The following PACRG variants were observed in gnomAD, a reference collection of about 807,000 sequenced individuals.
PACRG encodes the protein parkin coregulated.
In PACRG, 29 loss-of-function variants were observed where a neutral mutation model predicts 29.7. The observed-to-expected ratio is 0.98, with a 90% CI of 0.73 to 1.33. The LOEUF (loss-of-function observed/expected upper bound fraction) is 1.33, where lower values mean the gene tolerates loss of function less well. Among genes scored for constraint, PACRG ranks in the 40% most tolerant of loss-of-function variants. The pLI is 0.00. For synonymous variants in PACRG, 116 were observed against 118.7 expected (o/e 0.98, Z 0.15); for missense variants, 279 against 316.2 (o/e 0.88, Z 0.89).
chr6:162,974,708 T>G (rs1299236791), intron 2 of PACRG, among the ~76,000 whole-genome samples: 2 of 152,220 alleles, frequency 1.3e-5, no homozygotes, highest in African/African-American at 4.8e-5. Context: ...TCATGCTTAG[T>G]GTATTGTTAA....
intron 4 of PACRG, among the ~76,000 whole-genome samples, chr6:163,268,621 T>C (rs1783625051): frequency 1.3e-5 from 2 of 152,214 alleles, no homozygotes; most frequent in Admixed American, 1.3e-4. Flanking sequence ...ATCCTTACTT[T>C]TTTTTCCAAT....
At chr6:163,291,821 A>C (rs778844667) in intron 4 of PACRG, among the ~76,000 whole-genome samples, 1 of 152,222 alleles carries the variant, frequency 6.6e-6, no homozygotes, top group Non-Finnish European at 1.5e-5. Context: ...ACTCAAGGCC[A>C]GATGAGGAGG....
intron 1 of PACRG, among the ~76,000 whole-genome samples, chr6:162,770,977 A>G (rs1361268347): frequency 1.3e-5 from 2 of 152,122 alleles, no homozygotes; most frequent in African/African-American, 4.8e-5. Flanking sequence ...CTAGGGGACA[A>G]TCCCTACCAT....
intron 4 of PACRG, chr6:163,179,174 A>G (rs762844239): frequency 4.4e-6 from 2 of 455,970 alleles, no homozygotes; most frequent in South Asian, 1.5e-5. Flanking sequence ...CTTGGCTCAC[A>G]CTGATGTCCG....
At chr6:162,740,674 ACTGCAACCT>A (rs1357634818) in intron 1 of PACRG, among the ~76,000 whole-genome samples, 1 of 149,310 alleles carries the variant, frequency 6.7e-6, no homozygotes, top group African/African-American at 2.5e-5. Context: ...ATCTCAGCTC[ACTGCAACCT>A]CTGCCCCCTG....
intron 4 of PACRG, among the ~76,000 whole-genome samples, chr6:163,260,846 G>C (rs1783296116): frequency 6.6e-6 from 1 of 152,190 alleles, no homozygotes. Flanking sequence ...CTCGTTCCCT[G>C]TGGGGACACA....
chr6:163,105,348 T>C (rs1181902587), intron 4 of PACRG, among the ~76,000 whole-genome samples: 2 of 152,166 alleles, frequency 1.3e-5, no homozygotes, highest in African/African-American at 4.8e-5. Context: ...ATGATCACTT[T>C]TAGATTGTAA....
chr6:163,100,754 C>G, intron 4 of PACRG: 2 of 978,382 alleles, frequency 2.0e-6, no homozygotes, highest in Non-Finnish European at 2.4e-6. Context: ...GTAATTTTTA[C>G]TTTGACAGAA....
At chr6:163,266,712 A>T (rs1783538450) in intron 4 of PACRG, among the ~76,000 whole-genome samples, 1 of 152,210 alleles carries the variant, frequency 6.6e-6, no homozygotes, top group African/African-American at 2.4e-5. Context: ...TTAACTGCTT[A>T]TGTGACCCTC....
intron 2 of PACRG, among the ~76,000 whole-genome samples, chr6:162,851,271 C>T (rs1170163881): frequency 1.3e-5 from 2 of 152,182 alleles, no homozygotes; most frequent in Non-Finnish European, 2.9e-5. Flanking sequence ...TGCCTCCCTT[C>T]TGCACCCTGG....
chr6:163,180,541 C>T (rs1277226521), intron 4 of PACRG, among the ~76,000 whole-genome samples: 2 of 152,050 alleles, frequency 1.3e-5, no homozygotes, highest in South Asian at 2.1e-4. Flanking sequence ...GCAGGAGGAT[C>T]GCTTGAGCCC....
chr6:163,162,701 G>T (rs1778608264), intron 4 of PACRG, among the ~76,000 whole-genome samples: 1 of 152,210 alleles, frequency 6.6e-6, no homozygotes, highest in Non-Finnish European at 1.5e-5. Context: ...AAGCTTCCCA[G>T]GTGGTACATG....
At chr6:163,136,826 A>C (rs544662595) in intron 4 of PACRG, among the ~76,000 whole-genome samples, 1 of 152,368 alleles carries the variant, frequency 6.6e-6, no homozygotes, top group African/African-American at 2.4e-5. Context: ...AAAGAGAATC[A>C]TATGCGATGA....
At chr6:163,058,160 A>T (rs1308595496) in intron 2 of PACRG, among the ~76,000 whole-genome samples, 2 of 152,240 alleles carry the variant, frequency 1.3e-5, no homozygotes, top group East Asian at 3.8e-4. Flanking sequence ...AGCTATAAAC[A>T]GTTCAAAAGA....
At chr6:163,163,211 C>T (rs912193699) in intron 4 of PACRG, among the ~76,000 whole-genome samples, 2 of 152,150 alleles carry the variant, frequency 1.3e-5, no homozygotes, top group Non-Finnish European at 2.9e-5. Flanking sequence ...ATTGCCACAC[C>T]TACTTGCTAA....
intron 2 of PACRG, among the ~76,000 whole-genome samples, chr6:162,955,605 C>G (rs947213264): frequency 6.6e-6 from 1 of 152,146 alleles, no homozygotes; most frequent in Non-Finnish European, 1.5e-5. Flanking sequence ...AGCCCAAAAT[C>G]TGTTTTAATG....
At chr6:163,269,150 C>A (rs770190692) in intron 4 of PACRG, among the ~76,000 whole-genome samples, 2 of 152,184 alleles carry the variant, frequency 1.3e-5, no homozygotes, top group Non-Finnish European at 2.9e-5. Flanking sequence ...AAGAAAGATA[C>A]AAAAGATTGG....
intron 2 of PACRG, among the ~76,000 whole-genome samples, chr6:162,981,130 T>C (rs891925507): frequency 6.6e-6 from 1 of 152,042 alleles, no homozygotes; most frequent in Non-Finnish European, 1.5e-5. Context: ...AGTGATAACA[T>C]ACGATGTTTG....
chr6:162,853,937 A>G lies in PACRG; in HGVS notation c.291+39656A>G, dbSNP rs1487606359. On this transcript the variant is annotated intron_variant, in intron 2 of 4. Transcript: ENST00000366888. The surrounding 1 kb of genome is among the most constrained non-coding windows in gnomAD (Gnocchi z 4.7). ...CTTAGAATATTGTTGGGTCCATGCT[A>G]GGTATAAATATTAACTATTATTATT... is the stretch of plus-strand genomic sequence containing the variant. Among the ~76,000 whole-genome samples, 1 of 152,096 alleles carries G rather than the reference A, an allele frequency of 6.6e-6. No individual in the cohort carries two copies. Among genetic ancestry groups the G allele is most frequent in the Non-Finnish European group, 1.5e-5 (1 of 68,016 alleles).
Sources: gnomAD v4.1 joint callset for allele counts (sites outside exome capture counted in the v4.1 genomes callset) on GRCh38, gnomAD v4.1.1 for gene constraint, Gnocchi (gnomAD v3.1) non-coding constraint, MANE v1.5 for transcripts, NCBI Gene and HGNC (gene_info 2026-07-23, HGNC 2026-07-21) for gene names.